Variants in LRRC20 observed in about 807,000 individuals in gnomAD.
LRRC20 encodes the protein leucine-rich repeat-containing protein 20.
In LRRC20, 11 loss-of-function variants were observed where a neutral mutation model predicts 14.4. The observed-to-expected ratio is 0.77, with a 90% CI of 0.48 to 1.27. The LOEUF (loss-of-function observed/expected upper bound fraction) is 1.27, where lower values mean the gene tolerates loss of function less well. Among genes scored for constraint, LRRC20 ranks in the 50% most tolerant of loss-of-function variants. LRRC20 has a pLI of 0.00. For synonymous variants in LRRC20, 121 were observed against 107.3 expected (o/e 1.13, Z -0.79); for missense variants, 219 against 251.2 (o/e 0.87, Z 0.87).
At chr10:70,352,265 G>A (rs878956901) in intron 2 of LRRC20, among the ~76,000 whole-genome samples, 2 of 151,812 alleles carry the variant, frequency 1.3e-5, no homozygotes, top group South Asian at 4.2e-4. Context: ...AATCTGAAAC[G>A]CAATACCAAT....
chr10:70,362,862 T>A (rs745702407), intron 2 of LRRC20, among the ~76,000 whole-genome samples: 16 of 152,200 alleles, frequency 1.1e-4, no homozygotes, highest in Admixed American at 5.2e-4. Context: ...CCAAAATTCA[T>A]AGGTTAAAAT....
chr10:70,357,237 G>T (rs999987448), intron 2 of LRRC20, among the ~76,000 whole-genome samples: 1 of 152,328 alleles, frequency 6.6e-6, no homozygotes, highest in South Asian at 2.1e-4. Context: ...GCATGGTACA[G>T]GGTTTCTTTT....
At chr10:70,355,012 A>G (rs139234663) in intron 2 of LRRC20, among the ~76,000 whole-genome samples, 373 of 152,162 alleles carry the variant, frequency 2.5e-3, no homozygotes, top group Middle Eastern at 0.01. Context: ...TCTCAACCAG[A>G]CCAGACATCC....
At chr10:70,343,873 T>C (rs1407837438) in intron 2 of LRRC20, among the ~76,000 whole-genome samples, 1 of 152,166 alleles carries the variant, frequency 6.6e-6, no homozygotes, top group Non-Finnish European at 1.5e-5. Flanking sequence ...AAGGATGTCT[T>C]TCATCACCAG....
At chr10:70,362,276 C>T (rs1589117424) in intron 2 of LRRC20, among the ~76,000 whole-genome samples, 1 of 152,222 alleles carries the variant, frequency 6.6e-6, no homozygotes, top group Non-Finnish European at 1.5e-5. Flanking sequence ...GCAAAGGGAA[C>T]AGTATGTGCA....
In LRRC20 at chr10:70,301,488, C is replaced by G; in HGVS notation, c.421G>C (p.Ala141Pro). The change falls in exon 5 of 5, where the codon GCC (alanine) becomes CCC (proline). Residue 141 changes from alanine to proline, a missense_variant. By Grantham distance (27) the Ala-to-Pro change is conservative. Transcript: ENST00000446961. ...EIVDVPVEKL[A>P]AMPALRSINL... ...ATGCTGCGCAAGGCTGGCATGGCGG[C>G]CAGCTTCTCCACGGGCACATCTATT... 2.5e-6 allele frequency: 4 copies of G among 1,614,014 alleles called. No homozygotes were observed. Among genetic ancestry groups the G allele is most frequent in the Non-Finnish European group, 3.4e-6 (4 of 1,180,012 alleles).
intron 4 of LRRC20, among the ~76,000 whole-genome samples, chr10:70,310,842 A>G (rs1841627790): frequency 2.0e-5 from 3 of 152,248 alleles, no homozygotes; most frequent in Admixed American, 2.0e-4. Context: ...CTGTGGACCA[A>G]CGCTATGATA....
chr10:70,376,906 T>C (rs1844532666), intron 1 of LRRC20: 1 of 249,888 alleles, frequency 4.0e-6, no homozygotes, highest in Admixed American at 5.1e-5. Context: ...CTCAGGGGTG[T>C]GCTGGCCTGT....
intron 2 of LRRC20, among the ~76,000 whole-genome samples, chr10:70,344,107 G>C (rs1052862115): frequency 6.6e-6 from 1 of 152,072 alleles, no homozygotes; most frequent in Admixed American, 6.6e-5. Flanking sequence ...GGTTGAAGTG[G>C]GAAGAAGATC....
intron 4 of LRRC20, among the ~76,000 whole-genome samples, chr10:70,314,077 G>A (rs1003729143): frequency 2.0e-5 from 3 of 152,162 alleles, no homozygotes; most frequent in African/African-American, 4.8e-5. Flanking sequence ...GATCTCGTGA[G>A]ACTTATTCAT....
At chr10:70,336,507 A>ATT (rs1262211084) in intron 3 of LRRC20, among the ~76,000 whole-genome samples, 1 of 152,210 alleles carries the variant, frequency 6.6e-6, no homozygotes, top group Admixed American at 6.5e-5. Flanking sequence ...CTGGGACTCA[A>ATT]TTAACAACTA....
chr10:70,365,145 C>T (rs1385348504), intron 2 of LRRC20, among the ~76,000 whole-genome samples: 8 of 151,420 alleles, frequency 5.3e-5, no homozygotes, highest in Non-Finnish European at 1.2e-4. Context: ...CTGCAACCTC[C>T]GCCTCCCAGG....
intron 2 of LRRC20, among the ~76,000 whole-genome samples, chr10:70,351,281 AT>A (rs1843297167): frequency 6.6e-6 from 1 of 152,148 alleles, no homozygotes; most frequent in Non-Finnish European, 1.5e-5. Flanking sequence ...GTGCCATGAA[AT>A]TTGTTTTTAA....
chr10:70,331,895 T>A (rs147350820), intron 3 of LRRC20, among the ~76,000 whole-genome samples: 1 of 152,320 alleles, frequency 6.6e-6, no homozygotes, highest in East Asian at 1.9e-4. Context: ...ACCATCCTTA[T>A]CTTGGACAAT....
chr10:70,312,228 C>T (rs1841692113), intron 4 of LRRC20, among the ~76,000 whole-genome samples: 1 of 152,188 alleles, frequency 6.6e-6, no homozygotes, highest in South Asian at 2.1e-4. Flanking sequence ...GGTGCCTGGA[C>T]ACAAAAACAA....
intron 4 of LRRC20, among the ~76,000 whole-genome samples, chr10:70,313,864 A>T (rs1841757332): frequency 6.6e-6 from 1 of 152,212 alleles, no homozygotes; most frequent in Non-Finnish European, 1.5e-5. Flanking sequence ...CATTCTGATA[A>T]ACCAGCTGGC....
intron 4 of LRRC20, among the ~76,000 whole-genome samples, chr10:70,321,082 T>C (rs960480146): frequency 6.6e-6 from 1 of 152,202 alleles, no homozygotes; most frequent in African/African-American, 2.4e-5. Context: ...GAGCTGCCTG[T>C]TCTCCACTTA....
chr10:70,301,344 G>C lies in LRRC20; in HGVS notation c.*10C>G, dbSNP rs1410762892. ...TCTGCCCCTTGCTGGGTGGGCATGA[G>C]GAGGGTGGCCTAAGGTAGGGGGGCT... On this transcript the variant is annotated 3_prime_UTR_variant, in exon 5 of 5. Transcript: ENST00000446961. The C allele has an allele frequency of 6.2e-7, 1 of 1,610,342 alleles. No individual in the cohort carries two copies. Among genetic ancestry groups the C allele is most frequent in the African/African-American group, 1.3e-5 (1 of 74,928 alleles).
intron 2 of LRRC20, among the ~76,000 whole-genome samples, chr10:70,355,863 C>A (rs10823527): frequency 6.8e-6 from 1 of 147,890 alleles, no homozygotes; most frequent in African/African-American, 2.5e-5. Context: ...AGCAGCCGCA[C>A]GCTCAGAGGG....
Sources: gnomAD v4.1 joint callset for allele counts (sites outside exome capture counted in the v4.1 genomes callset) on GRCh38, gnomAD v4.1.1 for gene constraint, MANE v1.5 for transcripts, NCBI Gene and HGNC (gene_info 2026-07-23, HGNC 2026-07-21) for gene names.